Variants in GRID1 observed in about 807,000 individuals in gnomAD.
GRID1 encodes glutamate receptor ionotropic, delta-1.
GRID1 carries 28 observed loss-of-function variants against 98.0 expected under a neutral mutation model. That is an observed-to-expected ratio of 0.29 (90% CI 0.21 to 0.39). The LOEUF (loss-of-function observed/expected upper bound fraction) is 0.39, where lower values mean the gene tolerates loss of function less well. Among genes scored for constraint, GRID1 ranks in the 10% least tolerant of loss-of-function variants. GRID1 has a pLI of 1.00. For missense variants in GRID1, 1,111 were observed against 1,340.5 expected (o/e 0.83, Z 2.67); for synonymous variants, 553 against 538.5 (o/e 1.03, Z -0.37).
chr10:86,307,924 C>T (rs548909553), intron 2 of GRID1, among the ~76,000 whole-genome samples: 29 of 152,282 alleles, frequency 1.9e-4, no homozygotes, highest in African/African-American at 5.5e-4. Context: ...ATGAGATCTA[C>T]GCTCTGAACA....
At chr10:86,057,835 T>C (rs1432147757) in intron 4 of GRID1, among the ~76,000 whole-genome samples, 1 of 152,236 alleles carries the variant, frequency 6.6e-6, no homozygotes, top group African/African-American at 2.4e-5. Flanking sequence ...AATGTCTGTC[T>C]TTCCCACAAG....
At chr10:86,266,152 G>A (rs949911491) in intron 2 of GRID1, among the ~76,000 whole-genome samples, 10 of 151,930 alleles carry the variant, frequency 6.6e-5, no homozygotes, top group African/African-American at 2.4e-4. Context: ...TTCCATCCTC[G>A]CTGCTCCCAC....
At chr10:85,912,640 G>A (rs1780595950) in intron 5 of GRID1, among the ~76,000 whole-genome samples, 1 of 152,204 alleles carries the variant, frequency 6.6e-6, no homozygotes, top group Admixed American at 6.5e-5. Flanking sequence ...AGACACCTGC[G>A]GTGGTCGGGG....
chr10:86,128,425 C>T (rs1844785914), intron 4 of GRID1, among the ~76,000 whole-genome samples: 1 of 152,154 alleles, frequency 6.6e-6, no homozygotes, highest in Non-Finnish European at 1.5e-5. Context: ...ACACTTGTCT[C>T]CTACAGCAGC....
intron 3 of GRID1, among the ~76,000 whole-genome samples, chr10:86,139,806 T>G (rs1844985773): frequency 6.6e-6 from 1 of 152,130 alleles, no homozygotes; most frequent in African/African-American, 2.4e-5. Flanking sequence ...GGATGGACGA[T>G]TCAACAAGAA....
intron 8 of GRID1, among the ~76,000 whole-genome samples, chr10:85,793,071 C>A (rs1271680347): frequency 1.3e-5 from 2 of 152,192 alleles, no homozygotes; most frequent in African/African-American, 4.8e-5. Context: ...CTCCAGAGTG[C>A]AGGCATGCCT....
chr10:86,024,158 T>C (rs1324495376), intron 4 of GRID1, among the ~76,000 whole-genome samples: 1 of 152,182 alleles, frequency 6.6e-6, no homozygotes, highest in Non-Finnish European at 1.5e-5. Context: ...CAGTCCGGGA[T>C]GAGATCATCC....
intron 2 of GRID1, among the ~76,000 whole-genome samples, chr10:86,338,495 G>A (rs1387868609): frequency 6.6e-6 from 1 of 152,118 alleles, no homozygotes; most frequent in Non-Finnish European, 1.5e-5. Flanking sequence ...CTGTACAACC[G>A]AAGAAACCAC....
chr10:85,705,920 G>A (rs540718954), intron 12 of GRID1, among the ~76,000 whole-genome samples: 5 of 152,244 alleles, frequency 3.3e-5, no homozygotes, highest in South Asian at 2.1e-4. Context: ...AGCATTTCAT[G>A]CTAAAAACTC....
At chr10:86,103,925 A>C (rs149339714) in intron 4 of GRID1, among the ~76,000 whole-genome samples, 35 of 152,202 alleles carry the variant, frequency 2.3e-4, no homozygotes, top group Non-Finnish European at 3.8e-4. Flanking sequence ...GTTGCCTCCC[A>C]ATCTCATTCA....
intron 4 of GRID1, among the ~76,000 whole-genome samples, chr10:86,087,646 T>A (rs1844083119): frequency 6.6e-6 from 1 of 152,138 alleles, no homozygotes; most frequent in Non-Finnish European, 1.5e-5. Flanking sequence ...AACCAACTAA[T>A]TTGTTCATTA....
chr10:86,079,223 C>T (rs946436171), intron 4 of GRID1, among the ~76,000 whole-genome samples: 1 of 152,200 alleles, frequency 6.6e-6, no homozygotes. Flanking sequence ...CCTCCTGGAG[C>T]GGCCTGTTGA....
At chr10:85,628,105 G>A (rs368482591) in intron 13 of GRID1, among the ~76,000 whole-genome samples, 12 of 152,098 alleles carry the variant, frequency 7.9e-5, no homozygotes, top group African/African-American at 2.2e-4. Context: ...GTGGATGCAC[G>A]TGAGAATGTA....
intron 4 of GRID1, among the ~76,000 whole-genome samples, chr10:86,044,891 G>A (rs1342462899): frequency 6.6e-6 from 1 of 152,196 alleles, no homozygotes; most frequent in East Asian, 1.9e-4. Context: ...GAGCCTTGGT[G>A]GAGCGCAAGA....
intron 4 of GRID1, among the ~76,000 whole-genome samples, chr10:86,006,370 C>T (rs1842860290): frequency 6.6e-6 from 1 of 152,162 alleles, no homozygotes; most frequent in African/African-American, 2.4e-5. Context: ...CCTATAATCC[C>T]AGCACTTTGG....
At chr10:86,117,200 T>C (rs1454798857) in intron 4 of GRID1, among the ~76,000 whole-genome samples, 4 of 142,276 alleles carry the variant, frequency 2.8e-5, no homozygotes, top group African/African-American at 1.1e-4. Context: ...ACACCATCAC[T>C]ACCATCATCA....
chr10:85,632,564 T>C (rs1033705568), intron 13 of GRID1, among the ~76,000 whole-genome samples: 2 of 151,766 alleles, frequency 1.3e-5, no homozygotes, highest in Non-Finnish European at 2.9e-5. Flanking sequence ...AACATATACT[T>C]TTTAAGGTTT....
intron 3 of GRID1, among the ~76,000 whole-genome samples, chr10:86,143,720 C>T (rs376130195): frequency 6.6e-6 from 1 of 152,234 alleles, no homozygotes; most frequent in South Asian, 2.1e-4. Flanking sequence ...AAGGCAAGAG[C>T]CACCAGGTCT....
chr10:85,963,616 G>T (rs527642648), intron 4 of GRID1, among the ~76,000 whole-genome samples: 1 of 152,122 alleles, frequency 6.6e-6, no homozygotes, highest in Admixed American at 6.5e-5. Flanking sequence ...TCCCAAATCC[G>T]TGGGGTTATT....
Sources: allele counts gnomAD v4.1 joint callset (sites outside exome capture counted in the v4.1 genomes callset), GRCh38; gene constraint gnomAD v4.1.1; transcripts MANE v1.5; gene names NCBI Gene and HGNC (gene_info 2026-07-23, HGNC 2026-07-21).